NBEA: variants seen among roughly 807,000 people sequenced by gnomAD.
NBEA encodes the protein neurobeachin.
Under a neutral mutation model 343.4 loss-of-function variants are expected in NBEA, and 44 were observed. The ratio of observed to expected loss-of-function variants is 0.13; its 90% CI spans 0.10 to 0.16. NBEA has a LOEUF of 0.16. Among genes scored for constraint, NBEA ranks in the 10% least tolerant of loss-of-function variants. The pLI is 1.00. For missense variants in NBEA, 2,555 were observed against 3,631.3 expected (o/e 0.70, Z 7.62); for synonymous variants, 1,175 against 1,238.7 (o/e 0.95, Z 1.08).
At chr13:35,519,769 TG>T (rs2077626463) in intron 41 of NBEA, among the ~76,000 whole-genome samples, 1 of 152,230 alleles carries the variant, frequency 6.6e-6, no homozygotes, top group African/African-American at 2.4e-5. Flanking sequence ...TATCATTTCT[TG>T]TATTGGGAAC....
intron 11 of NBEA, among the ~76,000 whole-genome samples, chr13:35,106,410 G>A (rs2065921014): frequency 6.6e-6 from 1 of 151,724 alleles, no homozygotes; most frequent in South Asian, 2.1e-4. Context: ...TATTCTTACT[G>A]TTTTTGAATT....
At chr13:35,411,905 C>A (rs967489216) in intron 38 of NBEA, among the ~76,000 whole-genome samples, 2 of 151,886 alleles carry the variant, frequency 1.3e-5, no homozygotes, top group African/African-American at 2.4e-5. Flanking sequence ...GTTTTTTTAA[C>A]CATCAATGAT....
At chr13:35,414,439 T>G (rs780616052) in intron 38 of NBEA, among the ~76,000 whole-genome samples, 4 of 152,020 alleles carry the variant, frequency 2.6e-5, no homozygotes, top group African/African-American at 4.8e-5. Context: ...GTCTAACTGT[T>G]GTCATTGTTT....
chr13:35,524,727 T>C (rs2077888522), intron 41 of NBEA, among the ~76,000 whole-genome samples: 1 of 152,240 alleles, frequency 6.6e-6, no homozygotes, highest in South Asian at 2.1e-4. Context: ...ACATAAATTC[T>C]ATAACTAAAC....
intron 41 of NBEA, among the ~76,000 whole-genome samples, chr13:35,538,508 C>T (rs1362163669): frequency 6.6e-6 from 1 of 152,134 alleles, no homozygotes; most frequent in East Asian, 1.9e-4. Flanking sequence ...CTGTTAACAC[C>T]GTGTAAAAAC....
At chr13:35,316,695 C>T (rs1386428917) in intron 36 of NBEA, among the ~76,000 whole-genome samples, 1 of 152,178 alleles carries the variant, frequency 6.6e-6, no homozygotes, top group Admixed American at 6.5e-5. Context: ...CTGTCTTCCA[C>T]AGTGGTCAAA....
chr13:35,362,278 T>C (rs895054160), intron 38 of NBEA, among the ~76,000 whole-genome samples: 2 of 151,982 alleles, frequency 1.3e-5, no homozygotes, highest in African/African-American at 4.8e-5. Context: ...AGACCATAAA[T>C]TGGATTAGCT....
chr13:35,420,367 T>G (rs990034689), intron 38 of NBEA, among the ~76,000 whole-genome samples: 1 of 152,084 alleles, frequency 6.6e-6, no homozygotes, highest in Non-Finnish European at 1.5e-5. Context: ...TCTTTTATAA[T>G]GACTAATATG....
At chr13:35,126,615 A>G (rs2067144160) in intron 17 of NBEA, among the ~76,000 whole-genome samples, 1 of 152,118 alleles carries the variant, frequency 6.6e-6, no homozygotes, top group Non-Finnish European at 1.5e-5. Context: ...GAGAAAAACA[A>G]ATTACCATAA....
chr13:35,503,941 T>G (rs1292531915), intron 41 of NBEA, among the ~76,000 whole-genome samples: 1 of 152,186 alleles, frequency 6.6e-6, no homozygotes, highest in Non-Finnish European at 1.5e-5. Flanking sequence ...CAATTTTGAT[T>G]ATTCCCTAAG....
At chr13:35,631,960 A>G (rs2083473677) in intron 49 of NBEA, among the ~76,000 whole-genome samples, 1 of 152,216 alleles carries the variant, frequency 6.6e-6, no homozygotes, top group Non-Finnish European at 1.5e-5. Context: ...TTATCATGAC[A>G]GCCTCTGGGC....
intron 28 of NBEA, among the ~76,000 whole-genome samples, chr13:35,178,574 C>T (rs963046766): frequency 2.6e-5 from 4 of 151,430 alleles, no homozygotes; most frequent in African/African-American, 9.7e-5. Context: ...TACATACGTG[C>T]ATCTTTATTT....
chr13:35,049,734 T>A lies in NBEA; in HGVS notation c.846-535T>A, dbSNP rs115577262. ...AAATTTACAGCTAAGGGAAATGCTC[T>A]TGTAGAAGAAAACAACTATATTTCA... On this transcript the variant is annotated intron_variant, in intron 5 of 58. Coordinates refer to ENST00000379939, the MANE Select transcript of NBEA (RefSeq NM_001385012.1). 7.4e-3 allele frequency among the ~76,000 whole-genome samples: 1,127 copies of A among 152,014 alleles called. 13 individuals are homozygous for A. The highest frequency in any genetic ancestry group is 0.026 in the African/African-American group (1,067 of 41,556).
chr13:35,086,695 G>T (rs752521635), intron 10 of NBEA, among the ~76,000 whole-genome samples: 39 of 151,824 alleles, frequency 2.6e-4, no homozygotes, highest in Non-Finnish European at 4.9e-4. Flanking sequence ...TTGCTGGGTC[G>T]AATGGTAGTT....
chr13:35,113,586 CATCTATCTATCTATCTATCTATCT>C (rs71078081), intron 13 of NBEA, among the ~76,000 whole-genome samples: 1 of 146,694 alleles, frequency 6.8e-6, no homozygotes, highest in Non-Finnish European at 1.5e-5. Context: ...CTCCTCCACT[CATCTATCTATCTATCTATCTATCT>C]ATCTATCTAT....
At chr13:35,026,521 A>G (rs996606821) in intron 1 of NBEA, among the ~76,000 whole-genome samples, 1 of 152,134 alleles carries the variant, frequency 6.6e-6, no homozygotes, top group Non-Finnish European at 1.5e-5. Context: ...ACCCATTGCA[A>G]ATCTCATCTT....
chr13:35,018,551 A>T (rs2061730853), intron 1 of NBEA, among the ~76,000 whole-genome samples: 1 of 152,116 alleles, frequency 6.6e-6, no homozygotes, highest in East Asian at 1.9e-4. Flanking sequence ...GTTCTTTGCC[A>T]GTATAAATAA....
intron 40 of NBEA, among the ~76,000 whole-genome samples, chr13:35,453,729 T>C (rs1566156004): frequency 6.6e-6 from 1 of 152,224 alleles, no homozygotes; most frequent in Non-Finnish European, 1.5e-5. Context: ...AGTATAGATT[T>C]GCATAGTCCC....
At chr13:35,197,396 A>G (rs1373390430) in intron 31 of NBEA, among the ~76,000 whole-genome samples, 1 of 152,192 alleles carries the variant, frequency 6.6e-6, no homozygotes, top group East Asian at 1.9e-4. Context: ...GTATATAGTC[A>G]AAAAATAATA....
Sources: allele counts gnomAD v4.1 joint callset (sites outside exome capture counted in the v4.1 genomes callset), GRCh38; gene constraint gnomAD v4.1.1; transcripts MANE v1.5; gene names NCBI Gene and HGNC (gene_info 2026-07-23, HGNC 2026-07-21).